The following INKA2 variants were observed in gnomAD, a reference collection of about 807,000 sequenced individuals.
INKA2 encodes the protein inka box actin regulator 2, also known as PAK4-inhibitor INKA2.
In INKA2, 3 loss-of-function variants were observed where a neutral mutation model predicts 9.8. The ratio of observed to expected loss-of-function variants is 0.31; its 90% confidence interval spans 0.14 to 0.79. The LOEUF (loss-of-function observed/expected upper bound fraction) is 0.79. Ranked by LOEUF, INKA2 falls within the 30% of genes least tolerant of loss-of-function variation. The pLI, the probability that INKA2 is intolerant of heterozygous loss-of-function variation, is 0.62. For synonymous variants in INKA2, 147 were observed against 143.3 expected, an observed-to-expected ratio of 1.03 and a Z score of -0.18; for missense variants, 392 against 384.4, an observed-to-expected ratio of 1.02 and a Z score of -0.17.
chr1:111,744,241 A>G (rs977715737), upstream of INKA2: 1 of 152,248 alleles, frequency 6.6e-6, no homozygotes, highest in African/African-American at 2.4e-5. Flanking sequence ...CAGTTCCAAA[A>G]GAAATAATCA....
In INKA2 at chr1:111,722,784, C is replaced by T. The variant is rs1662676394; in HGVS notation, c.*4184G>A. On this transcript the variant is annotated 3_prime_UTR_variant, in exon 2 of 2. Coordinates refer to ENST00000357260, the MANE Select transcript of INKA2 (RefSeq NM_019099.5). ...TATTAAATCAATATAAATGTTTCGA[C>T]AGAAGAAGAGACCAACGCTCAGAGA... 5.2e-5 allele frequency: 20 copies of T among 384,756 alleles called. No individual in the cohort carries two copies. In the South Asian group the frequency reaches 7.0e-4, roughly 14 times the overall value. The allele number at this position is 384,756 out of a possible 1,614,324, so 23.8% of individuals were successfully genotyped here. A position where few individuals can be genotyped will look rare whatever the true frequency, so the allele number is the denominator to read the frequency against.
chr1:111,723,790 T>C lies in INKA2; in HGVS notation c.*3178A>G, dbSNP rs1662704433. On this transcript the variant is annotated 3_prime_UTR_variant, in exon 2 of 2. Coordinates refer to ENST00000357260, the MANE Select transcript of INKA2 (RefSeq NM_019099.5). ...CTTCAGTAAAATACAGCCTCTGTCA[T>C]TGCCATGGCAGGTGTCCAGGGGGAA... 2 of 152,472 alleles carry C rather than the reference T, an allele frequency of 1.3e-5. No homozygotes were observed. Among genetic ancestry groups the C allele is most frequent in the African/African-American group, 4.8e-5 (2 of 41,456 alleles). 9.4% of individuals were successfully genotyped at this position (152,472 alleles called of 1,614,324 possible).
Position 111,722,863 on chromosome 1 carries a change from T to TA in INKA2, c.*4104dup. Reference sequence around the variant, plus strand: ...TGGGTCACATGGTTAGTGCCTCTACTAAGGGGATGGGTTGTCCAGTATCTG... The same window carrying TA: ...TGGGTCACATGGTTAGTGCCTCTACTAAAGGGGATGGGTTGTCCAGTATCTG... On this transcript the variant is annotated 3_prime_UTR_variant, in exon 2 of 2. Coordinates refer to ENST00000357260, the MANE Select transcript of INKA2 (RefSeq NM_019099.5). The TA allele has an allele frequency of 1.9e-6, 1 of 523,366 alleles. No individual in the cohort carries two copies. Among genetic ancestry groups the TA allele is most frequent in the Non-Finnish European group, 3.4e-6 (1 of 295,734 alleles). 32.4% of individuals were successfully genotyped at this position (523,366 alleles called of 1,614,324 possible). A position where few individuals can be genotyped will look rare whatever the true frequency, so the allele number is the denominator to read the frequency against.
At chr1:111,731,525 G>A (rs1662904820) in intron 1 of INKA2, among the ~76,000 whole-genome samples, 1 of 151,902 alleles carries the variant, frequency 6.6e-6, no homozygotes, top group South Asian at 2.1e-4. Flanking sequence ...TAACTTTTTT[G>A]TATTTTTGTA....
intron 1 of INKA2, chr1:111,753,774 C>CT (rs1663460083): frequency 6.6e-6 from 1 of 152,118 alleles, no homozygotes; most frequent in Admixed American, 6.5e-5. Context: ...AATTACTGTC[C>CT]TTGAGAAGCT....
chr1:111,739,122 C>G, intron 1 of INKA2, 64 bp downstream of exon 1: 1 of 1,520,030 alleles, frequency 6.6e-7, no homozygotes, highest in South Asian at 1.1e-5. Context: ...GGGGCCGGGG[C>G]GGAGACCAGG....
intron 1 of INKA2, among the ~76,000 whole-genome samples, chr1:111,744,930 T>C (rs922576294): frequency 2.0e-5 from 3 of 151,908 alleles, no homozygotes; most frequent in Non-Finnish European, 4.4e-5. Context: ...AGTTACAGAG[T>C]TGCTGAAACT....
Position 111,735,131 on chromosome 1 carries a change from A to G in INKA2, c.57+4055T>C, listed in dbSNP as rs77213441. ...TCATAAATTATATGTCTGGCATATC[A>G]ATGTTAACATCAATTAATATCATTA... On this transcript the variant is annotated intron_variant, in intron 1 of 1. Coordinates refer to ENST00000357260, the MANE Select transcript of INKA2 (RefSeq NM_019099.5). 3.3e-3 allele frequency among the ~76,000 whole-genome samples: 509 copies of G among 152,340 alleles called. 1 individual carries two copies. Among genetic ancestry groups the G allele is most frequent in the South Asian group, 0.014 (68 of 4,826 alleles).
At chr1:111,738,462 C>T (rs921621616) in intron 1 of INKA2, among the ~76,000 whole-genome samples, 4 of 152,004 alleles carry the variant, frequency 2.6e-5, no homozygotes, top group Admixed American at 2.6e-4. Flanking sequence ...GCTCCCTGCG[C>T]ACTCCCCAAG....
At position 111,725,922 on chromosome 1, in the gene INKA2, A is replaced by G; in HGVS notation, c.*1046T>C. On this transcript the variant is annotated 3_prime_UTR_variant, in exon 2 of 2. Transcript: ENST00000357260. ...TAATTTTTACGTATTTTTTTAGTAGAGACGGGGTTTCACCATGTTGGCCAG... is the reference window on the plus strand; with the variant it reads ...TAATTTTTACGTATTTTTTTAGTAGGGACGGGGTTTCACCATGTTGGCCAG... 2.7e-6 allele frequency: 1 copy of G among 375,404 alleles called. No individual in the cohort carries two copies. Among genetic ancestry groups the G allele is most frequent in the Non-Finnish European group, 4.7e-6 (1 of 211,756 alleles). 23.3% of individuals were successfully genotyped at this position (375,404 alleles called of 1,614,324 possible).
chr1:111,730,485 ATCAGTCT>A (rs1453062381), intron 1 of INKA2, among the ~76,000 whole-genome samples: 7 of 152,138 alleles, frequency 4.6e-5, no homozygotes, highest in African/African-American at 1.7e-4. Flanking sequence ...TGAGCACCTG[ATCAGTCT>A]TCCCAGCACA....
In INKA2 at chr1:111,725,061, GTAGGA is replaced by G; in HGVS notation, c.*1902_*1906del. 6.6e-6 allele frequency: 1 copy of G among 152,308 alleles called. No individual in the cohort carries two copies. Among genetic ancestry groups the G allele is most frequent in the African/African-American group, 2.4e-5 (1 of 41,526 alleles). The allele number at this position is 152,308 out of a possible 1,614,324, so 9.4% of individuals were successfully genotyped here. A position where few individuals can be genotyped will look rare whatever the true frequency, so the allele number is the denominator to read the frequency against. ...ATGAAACATCTTACCATTTGACTGG[GTAGGA>G]TTTGAGAGTGACCCTAACCACCGCG... On this transcript the variant is annotated 3_prime_UTR_variant, in exon 2 of 2. Transcript: ENST00000357260.
chr1:111,732,568 TACACAC>T lies in INKA2; in HGVS notation c.58-4770_58-4765del, dbSNP rs3085876. 6.2e-4 allele frequency among the ~76,000 whole-genome samples: 89 copies of T among 142,956 alleles called. No individual in the cohort carries two copies. In the South Asian group the frequency reaches 0.01, roughly 16 times the overall value. 93.8% of individuals were successfully genotyped at this position (142,956 alleles called of 152,430 possible). On this transcript the variant is annotated intron_variant, in intron 1 of 1. Transcript: ENST00000357260. ...ACCCACTCCTAGTCTCTCTCTCTGTTACACACACACACACACACACACACACACACA... is the reference window on the plus strand; with the variant it reads ...ACCCACTCCTAGTCTCTCTCTCTGTTACACACACACACACACACACACACA...
At position 111,727,745 on chromosome 1, in the gene INKA2, T is replaced by C; in HGVS notation, c.117A>G (p.Ala39=). Residue 39 remains alanine, a synonymous_variant, in exon 2 of 2, where the codon GCA becomes GCG. Coordinates refer to ENST00000357260, the MANE Select transcript of INKA2 (RefSeq NM_019099.5). ...LQDQMNCMMG[A]LQELKLLQVQ... Reference sequence around the variant, plus strand: ...CCTGGAGGAGCTTCAGTTCTTGCAGTGCACCCATCATGCAGTTCATCTGAT... The same window carrying C: ...CCTGGAGGAGCTTCAGTTCTTGCAGCGCACCCATCATGCAGTTCATCTGAT... 6.2e-7 allele frequency: 1 copy of C among 1,613,330 alleles called. No individual in the cohort carries two copies. Among genetic ancestry groups the C allele is most frequent in the Non-Finnish European group, 8.5e-7 (1 of 1,180,036 alleles).
rs946606825 is a variant in INKA2 at position 111,725,907 on chromosome 1, G to A, written c.*1061C>T. 2.2e-5 allele frequency: 8 copies of A among 359,000 alleles called. No individual in the cohort carries two copies. The highest frequency in any genetic ancestry group is 1.4e-4 in the Admixed American group (3 of 21,648). 22.2% of individuals were successfully genotyped at this position (359,000 alleles called of 1,614,324 possible). On this transcript the variant is annotated 3_prime_UTR_variant, in exon 2 of 2. Coordinates refer to ENST00000357260, the MANE Select transcript of INKA2 (RefSeq NM_019099.5). ...GCCACCACGCCTGGCTAATTTTTAC[G>A]TATTTTTTTAGTAGAGACGGGGTTT...
rs144440987 is a variant in INKA2, at chr1:111,744,730, C to T, written n.124+10971G>A. ...TACATGTGTGCAGACTACAGGTGTG[C>T]GCCACCACGCCCAGCTAATTTTTGT... On this transcript the variant is annotated intron_variant and non_coding_transcript_variant, in intron 1 of 1. Coordinates refer to the INKA2 transcript ENST00000444059. Among the ~76,000 whole-genome samples, 58 of 152,188 alleles carry T rather than the reference C, an allele frequency of 3.8e-4. No homozygotes were observed. The East Asian group carries it at 0.011, about 28-fold the overall frequency.
chr1:111,745,291 ATATTTT>A (rs1170354620), intron 1 of INKA2: 23 of 49,338 alleles, frequency 4.7e-4, no homozygotes, highest in African/African-American at 2.0e-3. Flanking sequence ...ATATATATAT[ATATTTT>A]TTTTTTTTTT....
rs1662743112 is a variant in INKA2, at chr1:111,725,372, T to G, written c.*1596A>C. The G allele has an allele frequency of 6.6e-6, 1 of 152,244 alleles. No individual in the cohort carries two copies. Among genetic ancestry groups the G allele is most frequent in the East Asian group, 1.9e-4 (1 of 5,190 alleles). 9.4% of individuals were successfully genotyped at this position (152,244 alleles called of 1,614,324 possible). A position where few individuals can be genotyped will look rare whatever the true frequency, so the allele number is the denominator to read the frequency against. ...ATTGTCTTTTCCCAGCCAGTGAGTGTTCCCTACTGGAGTGGGAGGGACAGT... is the reference window on the plus strand; with the variant it reads ...ATTGTCTTTTCCCAGCCAGTGAGTGGTCCCTACTGGAGTGGGAGGGACAGT... On this transcript the variant is annotated 3_prime_UTR_variant, in exon 2 of 2. Coordinates refer to ENST00000357260, the MANE Select transcript of INKA2 (RefSeq NM_019099.5).
intron 1 of INKA2, chr1:111,747,698 A>G (rs1663305027): frequency 1.3e-5 from 2 of 152,218 alleles, no homozygotes; most frequent in African/African-American, 4.8e-5. Context: ...TCATCCCAGT[A>G]TCCTCCCTAT....
Sources: gnomAD v4.1 joint callset for allele counts (sites outside exome capture counted in the v4.1 genomes callset) on GRCh38, gnomAD v4.1.1 for gene constraint, MANE v1.5 for transcripts, NCBI Gene and HGNC (gene_info 2026-07-23, HGNC 2026-07-21) for gene names.